ADAMTS12: variants seen among roughly 807,000 people sequenced by gnomAD.
ADAMTS12 encodes A disintegrin and metalloproteinase with thrombospondin motifs 12.
ADAMTS12 carries 118 observed loss-of-function variants against 167.8 expected under a neutral mutation model. That is an observed-to-expected ratio of 0.70 (90% CI 0.61 to 0.82). The LOEUF is 0.82. Among genes scored for constraint, ADAMTS12 ranks in the 40% least tolerant of loss-of-function variants. The pLI, the probability that ADAMTS12 is intolerant of heterozygous loss-of-function variation, is 0.00. For missense variants in ADAMTS12, 1,916 were observed against 1,998.8 expected (o/e 0.96, Z 0.79); for synonymous variants, 704 against 716.9 (o/e 0.98, Z 0.29).
At chr5:33,809,612 T>G (rs1484872184) in intron 2 of ADAMTS12, among the ~76,000 whole-genome samples, 1 of 152,180 alleles carries the variant, frequency 6.6e-6, no homozygotes, top group Non-Finnish European at 1.5e-5. Flanking sequence ...CAGTCACTAC[T>G]CCCTGCAATA....
At chr5:33,736,719 T>C (rs1392328143) in intron 3 of ADAMTS12, among the ~76,000 whole-genome samples, 1 of 152,174 alleles carries the variant, frequency 6.6e-6, no homozygotes, top group South Asian at 2.1e-4. Context: ...TTATGAAACA[T>C]GTGAAGAATT....
In ADAMTS12 at chr5:33,658,330, C is replaced by T; in HGVS notation, c.1044G>A (p.Lys348=). Residue 348 remains lysine, a synonymous_variant, in exon 7 of 24, where the codon AAG becomes AAA. Coordinates refer to ENST00000504830, the MANE Select transcript of ADAMTS12 (RefSeq NM_030955.4). ...HHDVAVLLTR[K]DICAGFNRPC... ...GGCGATTGAAACCAGCACAGATGTC[C>T]TTTCTGAAAGCAGAGAATACAGAAG... The T allele has an allele frequency of 1.2e-6, 2 of 1,613,228 alleles. No individual in the cohort carries two copies. The highest frequency in any genetic ancestry group is 1.7e-6 in the Non-Finnish European group (2 of 1,179,432).
chr5:33,890,060 G>T (rs1297067041), intron 1 of ADAMTS12, among the ~76,000 whole-genome samples: 1 of 152,184 alleles, frequency 6.6e-6, no homozygotes, highest in Non-Finnish European at 1.5e-5. Context: ...TCAGCACATA[G>T]CTCTAGATAG....
At chr5:33,863,087 T>C (rs894646924) in intron 2 of ADAMTS12, among the ~76,000 whole-genome samples, 1 of 152,180 alleles carries the variant, frequency 6.6e-6, no homozygotes, top group African/African-American at 2.4e-5. Flanking sequence ...GCCAATATCA[T>C]ACTGAATGGG....
At chr5:33,555,377 T>C (rs1401044984) in intron 20 of ADAMTS12, among the ~76,000 whole-genome samples, 1 of 152,152 alleles carries the variant, frequency 6.6e-6, no homozygotes, top group Non-Finnish European at 1.5e-5. Flanking sequence ...CCCGAGTAGC[T>C]GGGACTACAG....
chr5:33,854,975 A>T (rs1749348981), intron 2 of ADAMTS12, among the ~76,000 whole-genome samples: 1 of 152,190 alleles, frequency 6.6e-6, no homozygotes, highest in Non-Finnish European at 1.5e-5. Context: ...CCTGCAACTC[A>T]AATCAGTGAT....
intron 3 of ADAMTS12, among the ~76,000 whole-genome samples, chr5:33,718,489 G>A (rs1312388361): frequency 6.6e-6 from 1 of 152,152 alleles, no homozygotes; most frequent in African/African-American, 2.4e-5. Flanking sequence ...AGGGATCTAG[G>A]TTGTGTGCTC....
At chr5:33,855,412 T>C (rs993061221) in intron 2 of ADAMTS12, among the ~76,000 whole-genome samples, 4 of 152,262 alleles carry the variant, frequency 2.6e-5, no homozygotes, top group Non-Finnish European at 5.9e-5. Flanking sequence ...CTAGGACAAA[T>C]TGATTCCTTG....
intron 21 of ADAMTS12, among the ~76,000 whole-genome samples, chr5:33,547,183 C>T (rs974981932): frequency 1.3e-5 from 2 of 152,142 alleles, no homozygotes; most frequent in African/African-American, 4.8e-5. Flanking sequence ...TATGTGCACA[C>T]AGATTCAGCA....
rs746281143 is a variant in ADAMTS12, at chr5:33,686,755, A to AT, written c.635-2701_635-2700insA. Among the ~76,000 whole-genome samples, 64 of 148,760 alleles carry AT rather than the reference A, an allele frequency of 4.3e-4. 1 individual carries two copies. The highest frequency in any genetic ancestry group is 3.5e-3 in the South Asian group (16 of 4,570). ...GAAGACACAGCAGGAAGATATATAC[A>AT]CCTCTCTCTCTATATATATATATAT... On this transcript the variant is annotated intron_variant, in intron 3 of 23. Coordinates refer to ENST00000504830, the MANE Select transcript of ADAMTS12 (RefSeq NM_030955.4).
chr5:33,684,318 G>A (rs185074320), intron 3 of ADAMTS12, among the ~76,000 whole-genome samples: 23 of 151,618 alleles, frequency 1.5e-4, no homozygotes, highest in Admixed American at 9.9e-4. Context: ...TTGAAAAGAC[G>A]TACCCAACAA....
intron 20 of ADAMTS12, among the ~76,000 whole-genome samples, chr5:33,553,827 C>T (rs767811613): frequency 2.0e-5 from 3 of 152,080 alleles, no homozygotes; most frequent in African/African-American, 7.2e-5. Flanking sequence ...ACAAGTTTAC[C>T]TATGTAGCAA....
chr5:33,747,009 T>C (rs1160552561), intron 3 of ADAMTS12, among the ~76,000 whole-genome samples: 1 of 152,184 alleles, frequency 6.6e-6, no homozygotes, highest in Non-Finnish European at 1.5e-5. Context: ...TTTCTTGCAA[T>C]GAATTTCTTA....
At position 33,805,560 on chromosome 5, in the gene ADAMTS12, A is replaced by C. The variant is rs565312240; in HGVS notation, c.490-54012T>G. 7.2e-5 allele frequency among the ~76,000 whole-genome samples: 11 copies of C among 152,310 alleles called. No individual in the cohort carries two copies. The East Asian group carries it at 2.1e-3, about 29-fold the overall frequency. Reference sequence around the variant, plus strand: ...TTGTAATGTGGCAGTGGCTGTGCTGAATCTGCAGACCATCCTAATGGAGTG... The same window carrying C: ...TTGTAATGTGGCAGTGGCTGTGCTGCATCTGCAGACCATCCTAATGGAGTG... On this transcript the variant is annotated intron_variant, in intron 2 of 23. Transcript: ENST00000504830.
chr5:33,593,679 G>A (rs1024323243), intron 17 of ADAMTS12, among the ~76,000 whole-genome samples: 2 of 152,100 alleles, frequency 1.3e-5, no homozygotes, highest in African/African-American at 4.8e-5. Flanking sequence ...GGGGCCTGTA[G>A]GGAGTTGGGG....
intron 2 of ADAMTS12, among the ~76,000 whole-genome samples, chr5:33,782,240 C>T (rs1375238378): frequency 6.6e-6 from 1 of 151,234 alleles, no homozygotes; most frequent in African/African-American, 2.4e-5. Context: ...GTAAATGGAG[C>T]GACATTAAAG....
chr5:33,827,710 AATAG>A (rs60023282), intron 2 of ADAMTS12, among the ~76,000 whole-genome samples: 22,256 of 98,718 alleles, frequency 0.23, 1,911 homozygotes, highest in East Asian at 0.35. Context: ...GAGAAAACAA[AATAG>A]ATAGATAGAT....
At chr5:33,607,540 C>T (rs1226327220) in intron 16 of ADAMTS12, among the ~76,000 whole-genome samples, 3 of 152,002 alleles carry the variant, frequency 2.0e-5, no homozygotes, top group Admixed American at 6.6e-5. Context: ...TTTCTAGTTC[C>T]GTGAAGAATC....
intron 5 of ADAMTS12, among the ~76,000 whole-genome samples, chr5:33,662,624 C>T (rs1331506367): frequency 1.3e-5 from 2 of 152,134 alleles, no homozygotes; most frequent in Non-Finnish European, 2.9e-5. Flanking sequence ...GTAGCAGATG[C>T]CCCCAGCCTG....
Sources: gnomAD v4.1 joint callset for allele counts (sites outside exome capture counted in the v4.1 genomes callset) on GRCh38, gnomAD v4.1.1 for gene constraint, MANE v1.5 for transcripts, NCBI Gene and HGNC (gene_info 2026-07-23, HGNC 2026-07-21) for gene names.